The following LRMDA variants were observed in gnomAD, a reference collection of about 807,000 sequenced individuals.
LRMDA encodes the protein leucine-rich melanocyte differentiation-associated protein.
Under a neutral mutation model 29.8 loss-of-function variants are expected in LRMDA, and 18 were observed. The ratio of observed to expected loss-of-function variants is 0.60; its 90% CI spans 0.42 to 0.90. LRMDA has a LOEUF of 0.90. Among genes scored for constraint, LRMDA ranks in the 40% least tolerant of loss-of-function variants. The pLI, the probability that LRMDA is intolerant of heterozygous loss-of-function variation, is 0.00. For missense variants in LRMDA, 273 were observed against 273.9 expected, an observed-to-expected ratio of 1.00 and a Z score of 0.02; for synonymous variants, 125 against 109.4, an observed-to-expected ratio of 1.14 and a Z score of -0.89.
chr10:75,754,792 T>G (rs1843010971), intron 2 of LRMDA, among the ~76,000 whole-genome samples: 1 of 152,176 alleles, frequency 6.6e-6, no homozygotes, highest in Non-Finnish European at 1.5e-5. Flanking sequence ...CTCTCTCCCC[T>G]CTTTCTCTCT....
Position 75,977,620 on chromosome 10 carries a change from T to A in LRMDA, c.132-58388T>A, listed in dbSNP as rs558203069. Among the ~76,000 whole-genome samples the A allele has an allele frequency of 1.4e-4, 21 of 152,344 alleles. No individual in the cohort carries two copies. In the South Asian group the frequency reaches 4.4e-3, roughly 32 times the overall value. On this transcript the variant is annotated intron_variant, in intron 2 of 6. Transcript: ENST00000611255. ...TAATTAGAAAGTAGTGTTAATAGGA[T>A]GACAGAAAGCATTTGCTAGGGCCCC...
Position 76,248,460 on chromosome 10 carries a change from C to T in LRMDA, c.517-75941C>T, listed in dbSNP as rs534923217. On this transcript the variant is annotated intron_variant, in intron 5 of 6. Coordinates refer to ENST00000611255, the MANE Select transcript of LRMDA (RefSeq NM_001305581.2). ...TCTCTTTGGGAGTCTCTGAAGAGTC[C>T]GTCAAAAACATTTCTTAACATCCTA... 1.2e-4 allele frequency among the ~76,000 whole-genome samples: 18 copies of T among 152,208 alleles called. 1 individual carries two copies. The highest frequency in any genetic ancestry group is 1.9e-4 in the African/African-American group (8 of 41,534).
At chr10:76,097,220 A>C (rs1849326497) in intron 5 of LRMDA, among the ~76,000 whole-genome samples, 1 of 152,188 alleles carries the variant, frequency 6.6e-6, no homozygotes, top group African/African-American at 2.4e-5. Flanking sequence ...CATGTTGGCC[A>C]GGCTGGTCTT....
At chr10:76,026,921 C>T (rs981889282) in intron 2 of LRMDA, among the ~76,000 whole-genome samples, 2 of 152,198 alleles carry the variant, frequency 1.3e-5, no homozygotes, top group Non-Finnish European at 2.9e-5. Flanking sequence ...GCAGCTCATC[C>T]TTTAGTGAAC....
chr10:76,228,018 T>C lies in LRMDA; in HGVS notation c.517-96383T>C, dbSNP rs138915611. Among the ~76,000 whole-genome samples, 418 of 144,316 alleles carry C rather than the reference T, an allele frequency of 2.9e-3. 2 individuals are homozygous for C. The highest frequency in any genetic ancestry group is 0.011 in the African/African-American group (399 of 36,500). The allele number at this position is 144,316 out of a possible 152,430, so 94.7% of individuals were successfully genotyped here. A position where few individuals can be genotyped will look rare whatever the true frequency, so the allele number is the denominator to read the frequency against. On this transcript the variant is annotated intron_variant, in intron 5 of 6. Transcript: ENST00000611255. The stretch of plus-strand genomic sequence containing the variant: ...GGCATGGAAGGTTCTTAATGGAAAT[T>C]GTTAGTCTTTTTTTTTTTTTTTTAG...
chr10:76,354,559 C>T (rs1022754830), intron 6 of LRMDA, among the ~76,000 whole-genome samples: 1 of 152,146 alleles, frequency 6.6e-6, no homozygotes, highest in Non-Finnish European at 1.5e-5. Flanking sequence ...TGACAGTAGC[C>T]AGCTGCTTCC....
chr10:75,640,299 A>G (rs1841437123), intron 2 of LRMDA, among the ~76,000 whole-genome samples: 1 of 152,162 alleles, frequency 6.6e-6, no homozygotes, highest in African/African-American at 2.4e-5. Flanking sequence ...AGGCAGGTAG[A>G]TGTTTTTCTT....
intron 6 of LRMDA, among the ~76,000 whole-genome samples, chr10:76,474,318 G>A (rs371202660): frequency 2.6e-5 from 4 of 151,618 alleles, no homozygotes; most frequent in African/African-American, 9.6e-5. Flanking sequence ...TTGGGTTAAG[G>A]CAGCAGTGTC....
intron 2 of LRMDA, among the ~76,000 whole-genome samples, chr10:75,931,278 A>C (rs1846201304): frequency 6.6e-6 from 1 of 152,198 alleles, no homozygotes; most frequent in Non-Finnish European, 1.5e-5. Flanking sequence ...CAGTCAACTC[A>C]TAGGCATTCT....
chr10:76,382,471 C>A (rs1011205757), intron 6 of LRMDA, among the ~76,000 whole-genome samples: 17 of 152,134 alleles, frequency 1.1e-4, no homozygotes, highest in Admixed American at 7.9e-4. Flanking sequence ...TTTATGAGAA[C>A]CTGCTGAAAG....
intron 5 of LRMDA, among the ~76,000 whole-genome samples, chr10:76,085,948 T>C (rs1456028617): frequency 6.6e-6 from 1 of 152,180 alleles, no homozygotes; most frequent in Non-Finnish European, 1.5e-5. Flanking sequence ...TTCCCAGCAA[T>C]GGGGATCAGT....
chr10:75,471,895 G>C (rs2132046380), intron 2 of LRMDA, among the ~76,000 whole-genome samples: 1 of 152,244 alleles, frequency 6.6e-6, no homozygotes, highest in South Asian at 2.1e-4. Context: ...TGTCAGGGAA[G>C]GCTCATAGAA....
chr10:75,518,066 G>A (rs1014743742), intron 2 of LRMDA, among the ~76,000 whole-genome samples: 1 of 152,146 alleles, frequency 6.6e-6, no homozygotes, highest in Admixed American at 6.6e-5. Flanking sequence ...GATTGTGGTG[G>A]ATAAGCTTTT....
intron 2 of LRMDA, among the ~76,000 whole-genome samples, chr10:75,487,202 A>G (rs1263279239): frequency 1.3e-5 from 2 of 152,240 alleles, no homozygotes; most frequent in African/African-American, 2.4e-5. Flanking sequence ...ACTTCAAATC[A>G]GTTTTCCTCA....
intron 2 of LRMDA, among the ~76,000 whole-genome samples, chr10:75,924,148 G>A (rs900675879): frequency 1.2e-4 from 18 of 152,158 alleles, no homozygotes; most frequent in African/African-American, 4.1e-4. Context: ...ATAAGATTCA[G>A]CTTGACTTCA....
At chr10:75,776,620 T>TA (rs1307674699) in intron 2 of LRMDA, among the ~76,000 whole-genome samples, 21 of 152,356 alleles carry the variant, frequency 1.4e-4, no homozygotes, top group African/African-American at 3.8e-4. Flanking sequence ...TTCCCCTAAG[T>TA]AAATCAATTG....
intron 6 of LRMDA, among the ~76,000 whole-genome samples, chr10:76,409,589 G>A (rs148915420): frequency 4.6e-5 from 7 of 152,208 alleles, no homozygotes; most frequent in African/African-American, 1.4e-4. Flanking sequence ...ATTTTGATAT[G>A]TAGTTGTGAT....
At chr10:76,055,063 CAAAAAAAAAAAAAAAAA>C (rs531729040) in intron 4 of LRMDA, among the ~76,000 whole-genome samples, 2 of 45,898 alleles carry the variant, frequency 4.4e-5, no homozygotes, top group Admixed American at 6.7e-4. Flanking sequence ...GACTCCATCT[CAAAAAAAAAAAAAAAAA>C]AAAAAAAAAA....
intron 2 of LRMDA, among the ~76,000 whole-genome samples, chr10:75,789,969 A>G (rs1843537850): frequency 6.6e-6 from 1 of 152,108 alleles, no homozygotes; most frequent in Non-Finnish European, 1.5e-5. Context: ...AGGCAACCAA[A>G]TATACGAGAT....
Sources: gnomAD v4.1 joint callset for allele counts (sites outside exome capture counted in the v4.1 genomes callset) on GRCh38, gnomAD v4.1.1 for gene constraint, MANE v1.5 for transcripts, NCBI Gene and HGNC (gene_info 2026-07-23, HGNC 2026-07-21) for gene names.